Variants in FAM81A observed in about 807,000 individuals in gnomAD.
FAM81A encodes family with sequence similarity 81 member A.
FAM81A carries 19 observed loss-of-function variants against 46.7 expected under a neutral mutation model. That is an observed-to-expected ratio of 0.41 (90% CI 0.28 to 0.60). The LOEUF (loss-of-function observed/expected upper bound fraction) is 0.60, where lower values mean the gene tolerates loss of function less well. Among genes scored for constraint, FAM81A ranks in the 20% least tolerant of loss-of-function variants. FAM81A has a pLI of 0.34. For missense variants in FAM81A, 377 were observed against 453.5 expected (o/e 0.83, Z 1.53); for synonymous variants, 183 against 152.9 (o/e 1.20, Z -1.45).
intron 3 of FAM81A, among the ~76,000 whole-genome samples, chr15:59,481,021 G>A (rs898176092): frequency 6.6e-6 from 1 of 152,044 alleles, no homozygotes; most frequent in Admixed American, 6.6e-5. Context: ...TTGAGACAGG[G>A]TCTTGCTCTG....
At chr15:59,514,085 G>T (rs12591761) in intron 6 of FAM81A, among the ~76,000 whole-genome samples, 80,319 of 151,454 alleles carry the variant, frequency 0.53, 21,559 homozygotes, top group East Asian at 0.65. Flanking sequence ...GGCATGGGGG[G>T]GGCAAGGGAG....
At chr15:59,521,032 C>T (rs2082322597) in intron 8 of FAM81A, among the ~76,000 whole-genome samples, 1 of 152,172 alleles carries the variant, frequency 6.6e-6, no homozygotes, top group Admixed American at 6.6e-5. Flanking sequence ...GGGTATATGA[C>T]AGTCTTCTCC....
At position 59,521,604 on chromosome 15, in the gene FAM81A, C is replaced by T. The variant is rs2082329005; in HGVS notation, c.*226C>T. 1 of 407,112 alleles carries T rather than the reference C, an allele frequency of 2.5e-6. No homozygotes were observed. The highest frequency in any genetic ancestry group is 4.1e-6 in the Non-Finnish European group (1 of 242,260). The allele number at this position is 407,112 out of a possible 1,614,324, so 25.2% of individuals were successfully genotyped here. The stretch of plus-strand genomic sequence containing the variant: ...CCAGTTTATTTCACTTCTCTAAATT[C>T]AATGGAAATCCCCCGCCCTGGATTT... On this transcript the variant is annotated 3_prime_UTR_variant, in exon 9 of 9. Transcript: ENST00000288228.
chr15:59,436,929 A>G (rs1394847494), upstream of FAM81A, among the ~76,000 whole-genome samples: 1 of 152,208 alleles, frequency 6.6e-6, no homozygotes, highest in Non-Finnish European at 1.5e-5. Flanking sequence ...GGGATCAGAA[A>G]GTGATGTGTC....
intron 3 of FAM81A, among the ~76,000 whole-genome samples, chr15:59,477,343 C>G (rs559456044): frequency 6.6e-6 from 1 of 151,892 alleles, no homozygotes; most frequent in African/African-American, 2.4e-5. Flanking sequence ...TTTCAGTTCA[C>G]GCAGTAAAAT....
At chr15:59,494,970 A>G (rs1458829812) in intron 4 of FAM81A, among the ~76,000 whole-genome samples, 2 of 152,122 alleles carry the variant, frequency 1.3e-5, no homozygotes, top group Non-Finnish European at 2.9e-5. Context: ...TCTAAACAGG[A>G]CTTGATCAGA....
intron 1 of FAM81A, among the ~76,000 whole-genome samples, chr15:59,439,386 G>GTGTA (rs755815477): frequency 1.3e-5 from 2 of 151,330 alleles, no homozygotes; most frequent in African/African-American, 2.4e-5. Flanking sequence ...ATGCGCGTGT[G>GTGTA]TGTATGTGTG....
At chr15:59,442,029 T>C (rs1596473220) in intron 1 of FAM81A, among the ~76,000 whole-genome samples, 1 of 152,326 alleles carries the variant, frequency 6.6e-6, no homozygotes, top group East Asian at 1.9e-4. Context: ...GTGCAGAAAT[T>C]GAAATGGAGG....
intron 2 of FAM81A, among the ~76,000 whole-genome samples, chr15:59,405,567 G>A (rs1182832369): frequency 6.6e-6 from 1 of 152,050 alleles, no homozygotes. Flanking sequence ...CTTGAACCCT[G>A]GAGGCAGGGG....
At chr15:59,448,486 C>T (rs1596477975) in intron 1 of FAM81A, among the ~76,000 whole-genome samples, 1 of 151,930 alleles carries the variant, frequency 6.6e-6, no homozygotes, top group Non-Finnish European at 1.5e-5. Flanking sequence ...GGTTGTAGTT[C>T]TAAATAATGT....
chr15:59,514,500 G>A, intron 7 of FAM81A, 76 bp downstream of exon 7: 3 of 1,478,568 alleles, frequency 2.0e-6, no homozygotes, highest in Non-Finnish European at 2.7e-6. Context: ...ATAATACCTA[G>A]TAATTTATCA....
intron 1 of FAM81A, among the ~76,000 whole-genome samples, chr15:59,457,304 C>T (rs8028180): frequency 0.78 from 119,254 of 152,204 alleles, 46,987 homozygotes; most frequent in African/African-American, 0.86. Flanking sequence ...AGCATATCCA[C>T]ACCATGTATA....
At chr15:59,458,295 T>C (rs1227616410) in intron 1 of FAM81A, among the ~76,000 whole-genome samples, 2 of 152,252 alleles carry the variant, frequency 1.3e-5, no homozygotes, top group Non-Finnish European at 2.9e-5. Flanking sequence ...AACTCCATTG[T>C]ACAGTCCCTG....
intron 3 of FAM81A, among the ~76,000 whole-genome samples, chr15:59,465,716 T>C (rs905326063): frequency 6.6e-6 from 1 of 152,218 alleles, no homozygotes; most frequent in Non-Finnish European, 1.5e-5. Flanking sequence ...TAAATTATAC[T>C]GTAAGTTTTA....
chr15:59,423,148 A>T (rs1486798862), intron 2 of FAM81A, among the ~76,000 whole-genome samples: 2 of 152,068 alleles, frequency 1.3e-5, no homozygotes, highest in Non-Finnish European at 2.9e-5. Flanking sequence ...CCCAGGCTGG[A>T]GTGCAGTGGC....
At chr15:59,480,436 A>G (rs1249162918) in intron 3 of FAM81A, among the ~76,000 whole-genome samples, 2 of 152,136 alleles carry the variant, frequency 1.3e-5, no homozygotes, top group Non-Finnish European at 2.9e-5. Context: ...TATACAGCAC[A>G]TTGAGGCTCC....
In FAM81A at chr15:59,507,330, T is replaced by G. The variant is rs1166994719; in HGVS notation, c.531T>G (p.Asp177Glu). The change falls in exon 5 of 9, where the codon GAT (aspartate) becomes GAG (glutamate). Residue 177 changes from aspartate (D) to glutamate (E), a missense_variant. Asp to Glu is a conservative substitution (Grantham distance 45). Transcript: ENST00000288228. ...TTATCTTGGAAACGAAAATCAAAGA[T>G]GCAGAGGGACAGGTACGACCTGTTT... ...AKLILETKIK[D>E]AEGQISQLLN... 1 of 1,612,236 alleles carries G rather than the reference T, an allele frequency of 6.2e-7. No individual in the cohort carries two copies. The highest frequency in any genetic ancestry group is 8.5e-7 in the Non-Finnish European group (1 of 1,179,178).
chr15:59,457,185 G>A (rs533887671), intron 1 of FAM81A, among the ~76,000 whole-genome samples: 10 of 152,208 alleles, frequency 6.6e-5, no homozygotes, highest in African/African-American at 2.4e-4. Flanking sequence ...AAAAATTCTA[G>A]AAATAAACAA....
chr15:59,493,903 A>G (rs1264663877), intron 4 of FAM81A, among the ~76,000 whole-genome samples: 1 of 151,798 alleles, frequency 6.6e-6, no homozygotes, highest in Non-Finnish European at 1.5e-5. Flanking sequence ...CTTCTTTTCT[A>G]ACTTCTTTTC....
Sources: allele counts gnomAD v4.1 joint callset (sites outside exome capture counted in the v4.1 genomes callset), GRCh38; gene constraint gnomAD v4.1.1; transcripts MANE v1.5; gene names NCBI Gene and HGNC (gene_info 2026-07-23, HGNC 2026-07-21).